The following ITGA9 variants were observed in gnomAD, a reference collection of about 807,000 sequenced individuals.
ITGA9 encodes integrin alpha-9.
Under a neutral mutation model 127.8 loss-of-function variants are expected in ITGA9, and 56 were observed. The ratio of observed to expected loss-of-function variants is 0.44; its 90% CI spans 0.35 to 0.55. The LOEUF is 0.55. Ranked by LOEUF, ITGA9 falls within the 20% of genes least tolerant of loss-of-function variation. The probability of loss-of-function intolerance (pLI) is 0.00; values close to 1 mark genes in which losing one functional copy is unlikely to be tolerated. For synonymous variants in ITGA9, 508 were observed against 514.5 expected, an observed-to-expected ratio of 0.99 and a Z score of 0.17; for missense variants, 1,196 against 1,347.1, an observed-to-expected ratio of 0.89 and a Z score of 1.76.
At chr3:37,663,434 C>T (rs1700556395) in intron 17 of ITGA9, among the ~76,000 whole-genome samples, 2 of 152,084 alleles carry the variant, frequency 1.3e-5, no homozygotes, top group Admixed American at 1.3e-4. Context: ...CTGGTGGCAA[C>T]ATATAATTGT....
rs1559521954 is a variant in ITGA9, at chr3:37,503,225, C to A, written c.660C>A (p.Thr220=). 1 of 1,613,922 alleles carries A rather than the reference C, an allele frequency of 6.2e-7. No individual in the cohort carries two copies. The highest frequency in any genetic ancestry group is 8.5e-7 in the Non-Finnish European group (1 of 1,179,942). ...GAPGSFYWAG[T]IKVLNLTDNT... ...CAGGGTCATTTTATTGGGCTGGAACCATCAAAGTGCTGAACCTTACGGACA... is the reference window on the plus strand; with the variant it reads ...CAGGGTCATTTTATTGGGCTGGAACAATCAAAGTGCTGAACCTTACGGACA... Residue 220 remains threonine, a synonymous_variant, in exon 6 of 28, where the codon ACC becomes ACA. Transcript: ENST00000264741.
intron 7 of ITGA9, 128 bp from the exon 8 acceptor site, chr3:37,508,431 G>A (rs1698867487): frequency 6.9e-6 from 5 of 720,540 alleles, no homozygotes; most frequent in South Asian, 1.7e-5. Context: ...ATGATCATCA[G>A]CTAGCATAAG....
At chr3:37,812,417 C>T (rs1318705131) in intron 27 of ITGA9, among the ~76,000 whole-genome samples, 2 of 152,202 alleles carry the variant, frequency 1.3e-5, no homozygotes, top group Non-Finnish European at 2.9e-5. Context: ...TGGTGTTGTC[C>T]AGCTGGTCCC....
In ITGA9 at chr3:37,550,365, C is replaced by T. The variant is rs567862638; in HGVS notation, c.1689+7780C>T. ...CCTCTTCATAATAGAGTCCTGGGAC[C>T]TTCTCTGTGTTAAGCATATGGCCCC... On this transcript the variant is annotated intron_variant, in intron 15 of 27. Coordinates refer to ENST00000264741, the MANE Select transcript of ITGA9 (RefSeq NM_002207.3). Among the ~76,000 whole-genome samples, 4 of 152,314 alleles carry T rather than the reference C, an allele frequency of 2.6e-5. No individual in the cohort carries two copies. In the South Asian group the frequency reaches 8.3e-4, roughly 32 times the overall value.
intron 14 of ITGA9, among the ~76,000 whole-genome samples, chr3:37,535,750 G>A (rs13325107): frequency 0.04 from 6,144 of 152,234 alleles, 403 homozygotes; most frequent in African/African-American, 0.14. Flanking sequence ...GTGTTTCCCC[G>A]ATAATCAGGC....
intron 6 of ITGA9, among the ~76,000 whole-genome samples, chr3:37,503,834 G>T (rs1698814149): frequency 6.6e-6 from 1 of 152,222 alleles, no homozygotes; most frequent in African/African-American, 2.4e-5. Context: ...ACAATTTAAT[G>T]TAGCTATCAG....
intron 18 of ITGA9, among the ~76,000 whole-genome samples, chr3:37,721,001 C>A (rs969171695): frequency 6.6e-6 from 1 of 152,046 alleles, no homozygotes; most frequent in Non-Finnish European, 1.5e-5. Flanking sequence ...TGGGAGGAGA[C>A]CTCGCCGTCT....
chr3:37,726,697 G>A (rs1370920080), intron 18 of ITGA9, among the ~76,000 whole-genome samples: 2 of 152,218 alleles, frequency 1.3e-5, no homozygotes, highest in Non-Finnish European at 2.9e-5. Context: ...CAAATGAGCT[G>A]CTTCTTGCAG....
At chr3:37,708,714 T>G (rs1383345939) in intron 18 of ITGA9, among the ~76,000 whole-genome samples, 15 of 210 alleles carry the variant, frequency 0.071, 1 homozygote, top group Admixed American at 0.31. Context: ...CCAACAGCAT[T>G]GAGGCTGAGA....
chr3:37,577,124 A>T (rs950436317), intron 15 of ITGA9, among the ~76,000 whole-genome samples: 1 of 152,192 alleles, frequency 6.6e-6, no homozygotes, highest in African/African-American at 2.4e-5. Context: ...AGACAGAAAG[A>T]TGAGGGCCAC....
At chr3:37,598,053 G>A (rs1461624132) in intron 15 of ITGA9, among the ~76,000 whole-genome samples, 2 of 152,126 alleles carry the variant, frequency 1.3e-5, no homozygotes, top group African/African-American at 4.8e-5. Flanking sequence ...TGTGATCTTC[G>A]GTGATTTATT....
At chr3:37,554,134 G>A (rs1395826575) in intron 15 of ITGA9, among the ~76,000 whole-genome samples, 2 of 151,934 alleles carry the variant, frequency 1.3e-5, no homozygotes, top group African/African-American at 2.4e-5. Flanking sequence ...ATAATAAGAA[G>A]AAAATTAAGG....
chr3:37,670,985 TTGCATTTTCTG>T (rs1482818041), intron 17 of ITGA9, among the ~76,000 whole-genome samples: 38 of 152,368 alleles, frequency 2.5e-4, no homozygotes, highest in Admixed American at 1.8e-3. Context: ...CATACACTGC[TTGCATTTTCTG>T]TGCAATGGCC....
chr3:37,544,002 G>A (rs915788012), intron 15 of ITGA9, among the ~76,000 whole-genome samples: 1 of 152,228 alleles, frequency 6.6e-6, no homozygotes. Context: ...GTGAGGCTGC[G>A]CAGTACAGGC....
chr3:37,802,626 A>C (rs1697249006), intron 26 of ITGA9, among the ~76,000 whole-genome samples: 1 of 152,172 alleles, frequency 6.6e-6, no homozygotes, highest in Non-Finnish European at 1.5e-5. Context: ...AAGACGCAAT[A>C]GATGCTTTGA....
chr3:37,513,560 A>G (rs543573518), intron 8 of ITGA9, among the ~76,000 whole-genome samples: 9 of 151,700 alleles, frequency 5.9e-5, no homozygotes, highest in African/African-American at 1.9e-4. Context: ...AACATTAGGT[A>G]TATCTCCTAA....
chr3:37,530,944 G>C (rs1699145144), intron 13 of ITGA9, among the ~76,000 whole-genome samples: 1 of 151,612 alleles, frequency 6.6e-6, no homozygotes, highest in African/African-American at 2.4e-5. Context: ...GTAGAGACAG[G>C]GTTTCACCGT....
In ITGA9 at chr3:37,799,912, C is replaced by T. The variant is rs749781864; in HGVS notation, c.2890-3911C>T. ...TCTCCATGTCGTCCATGCTGCTGTT[C>T]CTTCCTTAGAGTTTTGTTTTTTAAT... On this transcript the variant is annotated intron_variant, in intron 26 of 27. Coordinates refer to ENST00000264741, the MANE Select transcript of ITGA9 (RefSeq NM_002207.3). The surrounding 1 kb of genome is among the most constrained non-coding windows in gnomAD (Gnocchi z 4.0). 3.4e-4 allele frequency among the ~76,000 whole-genome samples: 51 copies of T among 152,146 alleles called. No individual in the cohort carries two copies. Among genetic ancestry groups the T allele is most frequent in the Non-Finnish European group, 7.1e-4 (48 of 68,028 alleles).
chr3:37,486,006 A>G (rs941438479), intron 4 of ITGA9, among the ~76,000 whole-genome samples: 1 of 152,248 alleles, frequency 6.6e-6, no homozygotes, highest in East Asian at 1.9e-4. Context: ...GGCAAGCACT[A>G]TAAAACATTA....
Sources: allele counts gnomAD v4.1 joint callset (sites outside exome capture counted in the v4.1 genomes callset), GRCh38; gene constraint gnomAD v4.1.1; non-coding constraint Gnocchi (gnomAD v3.1); transcripts MANE v1.5; gene names NCBI Gene and HGNC (gene_info 2026-07-23, HGNC 2026-07-21).